MYH14: variants seen among roughly 807,000 people sequenced by gnomAD.
MYH14 encodes myosin heavy chain 14, also known as myosin-14.
A neutral mutation model predicts 255.5 loss-of-function variants in MYH14; 123 were observed. The ratio of observed to expected loss-of-function variants is 0.48; its 90% CI spans 0.42 to 0.56. The LOEUF (loss-of-function observed/expected upper bound fraction) is 0.56, where lower values mean the gene tolerates loss of function less well. MYH14 is among the 20% of genes least tolerant of loss of function. The probability of loss-of-function intolerance (pLI) is 0.00; values close to 1 mark genes in which losing one functional copy is unlikely to be tolerated. For synonymous variants in MYH14, 1,095 were observed against 1,161.2 expected, an observed-to-expected ratio of 0.94 and a Z score of 1.16; for missense variants, 2,423 against 2,802.3, an observed-to-expected ratio of 0.86 and a Z score of 3.06.
rs2035316271 is a variant in MYH14 at position 50,271,915 on chromosome 19, G to T, written c.3238G>T (p.Val1080Phe). 6.2e-7 allele frequency: 1 copy of T among 1,612,848 alleles called. No homozygotes were observed. The highest frequency in any genetic ancestry group is 1.7e-5 in the Admixed American group (1 of 59,888). Residue 1080 changes from valine to phenylalanine, a missense_variant, in exon 26 of 43, where the codon GTC becomes TTC. This residue lies in a region of MYH14 where 1,513 missense variants were observed against 1,674.8 expected (regional missense o/e 0.90). Transcript: ENST00000642316. ...SSQAAEEEEK[V>F]KSLNKLRLKY... ...CCAGGCAGCTGAGGAGGAGGAGAAG[G>T]TCAAGAGCCTCAATAAGCTACGGCT...
chr19:50,253,916 G>A (rs1259810068), intron 16 of MYH14, among the ~76,000 whole-genome samples: 1 of 152,114 alleles, frequency 6.6e-6, no homozygotes, highest in Non-Finnish European at 1.5e-5. Context: ...CATGCAATTT[G>A]GCAAGAAAAC....
At chr19:50,208,143 G>A (rs143876880) in intron 1 of MYH14, among the ~76,000 whole-genome samples, 90 of 152,324 alleles carry the variant, frequency 5.9e-4, no homozygotes, top group African/African-American at 2.0e-3. Context: ...GGCCGGGCAT[G>A]GTGGCTCGTG....
At chr19:50,264,084 G>GAAAA (rs2034993850) in intron 22 of MYH14, among the ~76,000 whole-genome samples, 1 of 37,564 alleles carries the variant, frequency 2.7e-5, no homozygotes, top group Non-Finnish European at 5.4e-5. Flanking sequence ...AAAGAGCAAA[G>GAAAA]GTTAAAAAAA....
chr19:50,278,396 C>A, intron 30 of MYH14, 107 bp downstream of exon 30: 1 of 797,722 alleles, frequency 1.3e-6, no homozygotes, highest in South Asian at 2.3e-5. Flanking sequence ...TCTCGTTTGG[C>A]TCTTCCAACA....
intron 22 of MYH14, among the ~76,000 whole-genome samples, chr19:50,264,252 T>C (rs1427893525): frequency 1.3e-5 from 2 of 152,134 alleles, no homozygotes; most frequent in African/African-American, 2.4e-5. Context: ...TGAGCCTTGA[T>C]GTCCAGCGTT....
At chr19:50,260,360 G>A (rs1047348934) in intron 19 of MYH14, among the ~76,000 whole-genome samples, 8 of 152,180 alleles carry the variant, frequency 5.3e-5, no homozygotes, top group African/African-American at 1.9e-4. Flanking sequence ...GGGAGGCGGA[G>A]GTCGCAGTGA....
chr19:50,258,741 A>AC (rs1555767773), intron 18 of MYH14: 3 of 145,576 alleles, frequency 2.1e-5, no homozygotes, highest in Admixed American at 6.8e-5. Flanking sequence ...AAAAAAAAAA[A>AC]AAACGAACAA....
rs190529931 is a variant in MYH14 at position 50,252,088 on chromosome 19, T to C, written c.1831-551T>C. Among the ~76,000 whole-genome samples the C allele has an allele frequency of 3.4e-3, 517 of 152,344 alleles. 2 individuals are homozygous for C. Among genetic ancestry groups the C allele is most frequent in the South Asian group, 0.011 (55 of 4,824 alleles). ...TGTTCTGTGTCTAGCCCTCAGTTTC[T>C]TCCCCAGACATACTCCAGAACTCCC... On this transcript the variant is annotated intron_variant, in intron 15 of 42. Transcript: ENST00000642316. This position sits in a 1 kb window ranked among gnomAD's most constrained non-coding sequence, Gnocchi z 4.2.
At chr19:50,256,360 C>T (rs1029946615) in intron 17 of MYH14, among the ~76,000 whole-genome samples, 2 of 152,150 alleles carry the variant, frequency 1.3e-5, no homozygotes, top group Non-Finnish European at 2.9e-5. Context: ...CACCGCCAAG[C>T]GGCACTAGAG....
rs1463997815 is a variant in MYH14, at chr19:50,210,502, C to T, written c.137C>T (p.Pro46Leu). 22 of 1,564,610 alleles carry T rather than the reference C, an allele frequency of 1.4e-5. No homozygotes were observed. Among genetic ancestry groups the T allele is most frequent in the South Asian group, 3.5e-5 (3 of 85,586 alleles). The change falls in exon 2 of 43, where the codon CCG becomes CTG. Residue 46 changes from proline (P) to leucine (L), a missense_variant. Pro to Leu is a moderately conservative substitution (Grantham distance 98). Coordinates refer to ENST00000642316, the MANE Select transcript of MYH14 (RefSeq NM_001145809.2). Reference sequence around the variant, plus strand: ...GGCGGGCCTGGCTCGGGCACCTCCCCGCAGGTGGAGTGGACGGCCCGGCGT... The same window carrying T: ...GGCGGGCCTGGCTCGGGCACCTCCCTGCAGGTGGAGTGGACGGCCCGGCGT... ...AGGGPGSGTS[P>L]QVEWTARRLV...
chr19:50,248,915 C>T (rs2034240975), intron 12 of MYH14, 72 bp from the exon 13 acceptor site: 1 of 1,562,100 alleles, frequency 6.4e-7, no homozygotes, highest in Non-Finnish European at 8.7e-7. Context: ...GGGCCCTTCC[C>T]CGGTTCACCC....
chr19:50,203,928 G>A (rs1479205121), intron 1 of MYH14, among the ~76,000 whole-genome samples: 2 of 152,168 alleles, frequency 1.3e-5, no homozygotes, highest in East Asian at 3.9e-4. Flanking sequence ...TGTCAGCCCC[G>A]GGCCTGTTCC....
Position 50,286,649 on chromosome 19 carries a change from T to C in MYH14, c.4707T>C (p.Ala1569=), listed in dbSNP as rs1358983961. The C allele has an allele frequency of 5.0e-6, 8 of 1,588,224 alleles. No homozygotes were observed. Among genetic ancestry groups the C allele is most frequent in the Non-Finnish European group, 6.8e-6 (8 of 1,168,258 alleles). ...AGCGGCAGAACCGGGCCCTGCGGGCTGAGCTGGAGGCACTGCTGAGCAGCA... is the reference window on the plus strand; with the variant it reads ...AGCGGCAGAACCGGGCCCTGCGGGCCGAGCTGGAGGCACTGCTGAGCAGCA... ...ELERQNRALR[A]ELEALLSSKD... is the part of the protein sequence containing the mutation. The change falls in exon 34 of 43, where the codon GCT becomes GCC. Residue 1569 remains alanine, a synonymous_variant. Transcript: ENST00000642316.
At chr19:50,210,914 G>T in intron 2 of MYH14, 144 bp downstream of exon 2, 2 of 1,382,988 alleles carry the variant, frequency 1.4e-6, no homozygotes, top group South Asian at 3.1e-5. Context: ...CACTTACATG[G>T]TTGCCAAATT....
intron 39 of MYH14, among the ~76,000 whole-genome samples, chr19:50,299,739 G>A (rs1381857710): frequency 2.0e-5 from 3 of 152,000 alleles, no homozygotes; most frequent in African/African-American, 4.8e-5. Context: ...GAGGTCAGGA[G>A]TTTGAGACCA....
chr19:50,211,643 C>T (rs1251971908), intron 2 of MYH14, among the ~76,000 whole-genome samples: 2 of 152,080 alleles, frequency 1.3e-5, no homozygotes, highest in African/African-American at 4.8e-5. Context: ...TTAGACCTGA[C>T]AGAGCCAGGT....
chr19:50,237,445 C>T (rs1300590062), intron 10 of MYH14, among the ~76,000 whole-genome samples: 1 of 152,122 alleles, frequency 6.6e-6, no homozygotes, highest in East Asian at 1.9e-4. Flanking sequence ...CCTACCTCAG[C>T]CTCCTGAGTA....
In MYH14 at chr19:50,252,676, T is replaced by C. The variant is rs762536654; in HGVS notation, c.1868T>C (p.Met623Thr). The change falls in exon 16 of 43, where the codon ATG (methionine) becomes ACG (threonine). Residue 623 changes from methionine (M) to threonine (T), a missense_variant. Physicochemically the swap from Met to Thr is moderately conservative, Grantham distance 81 (BLOSUM62 -1). This residue lies in a region of MYH14 where 672 missense variants were observed against 881.8 expected (regional missense o/e 0.76). Coordinates refer to ENST00000642316, the MANE Select transcript of MYH14 (RefSeq NM_001145809.2). The surrounding 1 kb of genome is among the most constrained non-coding windows in gnomAD (Gnocchi z 4.2). ...YKANEWLMKN[M>T]DPLNDNVAAL... Reference sequence around the variant, plus strand: ...GCCAACGAGTGGCTGATGAAAAACATGGACCCTCTGAATGACAACGTCGCA... The same window carrying C: ...GCCAACGAGTGGCTGATGAAAAACACGGACCCTCTGAATGACAACGTCGCA... 2.5e-6 allele frequency: 4 copies of C among 1,601,320 alleles called. No individual in the cohort carries two copies. The highest frequency in any genetic ancestry group is 1.1e-5 in the South Asian group (1 of 88,652).
At chr19:50,305,564 G>T (rs2036627032) in intron 40 of MYH14, among the ~76,000 whole-genome samples, 1 of 152,070 alleles carries the variant, frequency 6.6e-6, no homozygotes, top group South Asian at 2.1e-4. Flanking sequence ...GTAGCTTGAG[G>T]TCTATGGGGA....
Sources: allele counts gnomAD v4.1 joint callset (sites outside exome capture counted in the v4.1 genomes callset), GRCh38; gene constraint gnomAD v4.1.1; regional missense constraint gnomAD v4.1.1; non-coding constraint Gnocchi (gnomAD v3.1); transcripts MANE v1.5; gene names NCBI Gene and HGNC (gene_info 2026-07-23, HGNC 2026-07-21).